Variants in WWOX observed in about 807,000 individuals in gnomAD.
The protein encoded by WWOX is WW domain-containing oxidoreductase.
A neutral mutation model predicts 46.2 loss-of-function variants in WWOX; 69 were observed. The ratio of observed to expected loss-of-function variants is 1.49; its 90% CI spans 1.23 to 1.82. The LOEUF (loss-of-function observed/expected upper bound fraction) is 1.82, where lower values mean the gene tolerates loss of function less well. Among genes scored for constraint, WWOX ranks in the 40% most tolerant of loss-of-function variants. The pLI is 0.00. For missense variants in WWOX, 919 were observed against 542.6 expected (o/e 1.69, Z -6.89); for synonymous variants, 359 against 202.6 (o/e 1.77, Z -6.56).
intron 8 of WWOX, among the ~76,000 whole-genome samples, chr16:78,604,538 G>A (rs192937499): frequency 1.3e-5 from 2 of 152,146 alleles, no homozygotes; most frequent in Non-Finnish European, 2.9e-5. Context: ...ATACAAAATA[G>A]TGAGTTTTTC....
At chr16:78,744,586 C>T (rs2049305104) in intron 8 of WWOX, among the ~76,000 whole-genome samples, 1 of 151,766 alleles carries the variant, frequency 6.6e-6, no homozygotes, top group Non-Finnish European at 1.5e-5. Flanking sequence ...CACCTGCCAC[C>T]ACACCTGGCT....
chr16:78,647,721 G>A (rs778954662), intron 8 of WWOX, among the ~76,000 whole-genome samples: 4 of 152,168 alleles, frequency 2.6e-5, no homozygotes, highest in Non-Finnish European at 4.4e-5. Flanking sequence ...GAAGCTCCTG[G>A]CTGGTAAGTG....
chr16:79,091,141 T>A (rs1281802796), intron 8 of WWOX, among the ~76,000 whole-genome samples: 2 of 152,152 alleles, frequency 1.3e-5, no homozygotes, highest in Admixed American at 1.3e-4. Context: ...GAGGTTTTAT[T>A]TGGTTCTGCC....
intron 8 of WWOX, among the ~76,000 whole-genome samples, chr16:78,671,052 C>T (rs903641361): frequency 1.3e-5 from 2 of 152,172 alleles, no homozygotes; most frequent in East Asian, 1.9e-4. Context: ...AGCATTTCTC[C>T]TGCAGAACCC....
intron 7 of WWOX, among the ~76,000 whole-genome samples, chr16:78,427,990 C>G (rs111290912): frequency 0.055 from 8,314 of 152,128 alleles, 314 homozygotes; most frequent in Admixed American, 0.094. Context: ...ATTGCTTGAA[C>G]TTGGGAGGTG....
At chr16:78,897,865 T>G (rs1235504902) in intron 8 of WWOX, 6 of 152,314 alleles carry the variant, frequency 3.9e-5, no homozygotes, top group Admixed American at 3.9e-4. Context: ...ATAGCCTTTT[T>G]GTGGGTGAGA....
intron 8 of WWOX, among the ~76,000 whole-genome samples, chr16:79,136,233 T>TA (rs2150706324): frequency 6.7e-6 from 1 of 150,334 alleles, no homozygotes; most frequent in East Asian, 1.9e-4. Flanking sequence ...TGTCACTTCT[T>TA]CTTTTTTTTT....
intron 8 of WWOX, among the ~76,000 whole-genome samples, chr16:78,866,875 C>G (rs2044015328): frequency 3.3e-5 from 5 of 152,200 alleles, no homozygotes. Context: ...CACTCAGAAG[C>G]CAAGCCTGCA....
At chr16:78,937,766 A>C (rs1207001091) in intron 8 of WWOX, among the ~76,000 whole-genome samples, 2 of 151,956 alleles carry the variant, frequency 1.3e-5, no homozygotes, top group African/African-American at 4.8e-5. Flanking sequence ...CTGGGACTAC[A>C]GGCACATGCC....
chr16:78,840,555 A>C (rs553203172), intron 8 of WWOX, among the ~76,000 whole-genome samples: 1 of 152,292 alleles, frequency 6.6e-6, no homozygotes, highest in African/African-American at 2.4e-5. Context: ...AGCATTAAGC[A>C]GTATTGTTAC....
chr16:78,214,657 C>G (rs1398730204), intron 5 of WWOX, among the ~76,000 whole-genome samples: 1 of 152,180 alleles, frequency 6.6e-6, no homozygotes, highest in Non-Finnish European at 1.5e-5. Context: ...GCTAAGCCTG[C>G]TAAAAGCAAG....
chr16:78,470,759 C>T (rs2084202525), intron 8 of WWOX, among the ~76,000 whole-genome samples: 1 of 152,070 alleles, frequency 6.6e-6, no homozygotes, highest in African/African-American at 2.4e-5. Flanking sequence ...GAACTCCTGA[C>T]CTCAGGTGAT....
At chr16:78,400,499 G>C (rs1400709502) in intron 6 of WWOX, among the ~76,000 whole-genome samples, 1 of 152,160 alleles carries the variant, frequency 6.6e-6, no homozygotes, top group African/African-American at 2.4e-5. Flanking sequence ...TCGATGGATG[G>C]ATGGATGAAT....
intron 8 of WWOX, among the ~76,000 whole-genome samples, chr16:79,058,783 A>G (rs2048310280): frequency 6.6e-6 from 1 of 152,230 alleles, no homozygotes; most frequent in African/African-American, 2.4e-5. Flanking sequence ...TTTATTCTAT[A>G]CTAACAAAGG....
intron 6 of WWOX, among the ~76,000 whole-genome samples, chr16:78,423,470 T>G (rs974758151): frequency 6.6e-6 from 1 of 152,166 alleles, no homozygotes; most frequent in African/African-American, 2.4e-5. Context: ...TATTTTGTTG[T>G]ATAGTTCTTA....
At chr16:79,172,463 C>G in intron 8 of WWOX, among the ~76,000 whole-genome samples, 2 of 152,270 alleles carry the variant, frequency 1.3e-5, no homozygotes, top group South Asian at 4.1e-4. Flanking sequence ...ATCTTGGTAC[C>G]TGTAGTCCCG....
At chr16:79,054,018 T>C (rs1166011745) in intron 8 of WWOX, among the ~76,000 whole-genome samples, 2 of 151,960 alleles carry the variant, frequency 1.3e-5, no homozygotes, top group African/African-American at 4.8e-5. Context: ...GAGCAGGACA[T>C]GAACAGTGCT....
At chr16:78,690,915 G>A (rs1024026370) in intron 8 of WWOX, among the ~76,000 whole-genome samples, 1 of 152,142 alleles carries the variant, frequency 6.6e-6, no homozygotes, top group Non-Finnish European at 1.5e-5. Flanking sequence ...GCAGGTGGCC[G>A]AAGCCTTTGT....
intron 8 of WWOX, among the ~76,000 whole-genome samples, chr16:79,098,771 T>C (rs551996863): frequency 4.5e-4 from 69 of 152,356 alleles, no homozygotes; most frequent in African/African-American, 1.6e-3. Context: ...GTGGAATGCA[T>C]AGAAATGGTC....
Sources: allele counts gnomAD v4.1 joint callset (sites outside exome capture counted in the v4.1 genomes callset), GRCh38; gene constraint gnomAD v4.1.1; transcripts MANE v1.5; gene names NCBI Gene and HGNC (gene_info 2026-07-23, HGNC 2026-07-21).